Variants in PHKA1 observed in about 807,000 individuals in gnomAD.
The protein encoded by PHKA1 is phosphorylase kinase regulatory subunit alpha 1, also known as phosphorylase b kinase regulatory subunit alpha, skeletal muscle isoform.
Under a neutral mutation model 110.2 loss-of-function variants are expected in PHKA1, and 60 were observed. The ratio of observed to expected loss-of-function variants is 0.54; its 90% CI spans 0.44 to 0.68. PHKA1 has a LOEUF of 0.68. Among genes scored for constraint, PHKA1 ranks in the 30% least tolerant of loss-of-function variants. The pLI is 0.00. For missense variants in PHKA1, 801 were observed against 942.5 expected (o/e 0.85, Z 1.97); for synonymous variants, 316 against 333.6 (o/e 0.95, Z 0.58).
At position 72,659,158 on chromosome X, in the gene PHKA1, T is replaced by C. The variant is rs782203727; in HGVS notation, c.865-1517A>G. On this transcript the variant is annotated intron_variant, in intron 8 of 31. Coordinates refer to ENST00000373542, the MANE Select transcript of PHKA1 (RefSeq NM_002637.4). ...ATTTATTTATATCAGTATGGACTTA[T>C]GGACATTTCATTTATTCTCTGGGTT... is the stretch of plus-strand genomic sequence containing the variant. Among the ~76,000 whole-genome samples, 9 of 111,999 alleles carry C rather than the reference T, an allele frequency of 8.0e-5. No individual in the cohort carries two copies. The Admixed American group carries it at 8.5e-4, about 11-fold the overall frequency.
intron 4 of PHKA1, among the ~76,000 whole-genome samples, chrX:72,687,777 G>A (rs1043132408): frequency 9.1e-6 from 1 of 109,989 alleles, no homozygotes; most frequent in African/African-American, 3.3e-5. Flanking sequence ...AAGTATTTTT[G>A]CTAGTTTGTT....
intron 4 of PHKA1, among the ~76,000 whole-genome samples, chrX:72,691,798 G>A (rs1235257343): frequency 1.8e-5 from 2 of 111,895 alleles, no homozygotes; most frequent in Non-Finnish European, 3.8e-5. Context: ...ATGTAAGAAC[G>A]TATCATCTGC....
intron 28 of PHKA1, among the ~76,000 whole-genome samples, chrX:72,600,895 C>T (rs1556241816): frequency 9.0e-6 from 1 of 111,522 alleles, no homozygotes; most frequent in African/African-American, 3.3e-5. Context: ...TCCAAATTTC[C>T]ATTTCACCAC....
At chrX:72,695,442 TATATTC>T (rs2054095671) in intron 4 of PHKA1, among the ~76,000 whole-genome samples, 1 of 111,637 alleles carries the variant, frequency 9.0e-6, no homozygotes, top group Admixed American at 9.5e-5. Context: ...TTGTTTATAA[TATATTC>T]ATAAAGAGTA....
At position 72,712,883 on chromosome X, in the gene PHKA1, G is replaced by A. The variant is rs782809154; in HGVS notation, c.133C>T (p.Arg45Ter). Residue 45 changes from arginine (R) to a stop codon, truncating the protein, a stop_gained, in exon 2 of 32, where the codon CGA becomes TGA. Transcript: ENST00000373542. LOFTEE classifies it high-confidence loss of function. ...GCCAAGATGCTGTACACATTATCTC[G>A]GACCCAAGCATCTTTCTGATCATAG... ...ASYDQKDAWV[R>*]DNVYSILAVW... 4 of 1,210,873 alleles carry A rather than the reference G, an allele frequency of 3.3e-6. No individual in the cohort carries two copies. The highest frequency in any genetic ancestry group is 4.5e-6 in the Non-Finnish European group (4 of 894,958).
At chrX:72,612,127 G>C (rs2052819574) in intron 21 of PHKA1, among the ~76,000 whole-genome samples, 1 of 112,174 alleles carries the variant, frequency 8.9e-6, no homozygotes, top group Non-Finnish European at 1.9e-5. Context: ...ATTTATACAG[G>C]ATATAATATC....
intron 18 of PHKA1, 81 bp from the exon 19 acceptor site, chrX:72,620,982 A>G: frequency 9.7e-7 from 1 of 1,029,787 alleles, no homozygotes; most frequent in Non-Finnish European, 1.3e-6. Flanking sequence ...AGCAAAGAGA[A>G]TGATTGGCTC....
chrX:72,706,081 A>AG (rs2054279615), intron 2 of PHKA1, among the ~76,000 whole-genome samples: 1 of 112,211 alleles, frequency 8.9e-6, no homozygotes, highest in Non-Finnish European at 1.9e-5. Flanking sequence ...TCTACTTGGA[A>AG]GCCACATGAT....
intron 28 of PHKA1, among the ~76,000 whole-genome samples, chrX:72,596,470 A>G (rs2052591216): frequency 1.8e-5 from 2 of 111,940 alleles, no homozygotes; most frequent in African/African-American, 6.5e-5. Flanking sequence ...TAATAAAAAA[A>G]TTAGTTGTAT....
At chrX:72,682,728 A>G (rs1201785456) in intron 5 of PHKA1, among the ~76,000 whole-genome samples, 14 of 87,154 alleles carry the variant, frequency 1.6e-4, no homozygotes, top group Admixed American at 1.5e-3. Flanking sequence ...TGAAGGCAGC[A>G]TGCTCGTTAA....
intron 4 of PHKA1, among the ~76,000 whole-genome samples, chrX:72,688,002 T>G (rs781794520): frequency 3.7e-5 from 4 of 109,008 alleles, no homozygotes; most frequent in Non-Finnish European, 7.6e-5. Flanking sequence ...AATTTTTTTG[T>G]ATGTTTAGTA....
chrX:72,653,294 A>G, intron 11 of PHKA1, 141 bp downstream of exon 11: 1 of 483,193 alleles, frequency 2.1e-6, no homozygotes, highest in South Asian at 3.1e-5. Context: ...ATAAAATCAT[A>G]CTTATGTTGT....
chrX:72,677,581 C>A (rs1418205778), intron 5 of PHKA1, among the ~76,000 whole-genome samples: 2 of 111,569 alleles, frequency 1.8e-5, no homozygotes, highest in Admixed American at 1.9e-4. Flanking sequence ...CTTTCTCTCC[C>A]ATTTATTTAT....
chrX:72,659,177 C>T (rs1442724779), intron 8 of PHKA1, among the ~76,000 whole-genome samples: 1 of 111,468 alleles, frequency 9.0e-6, no homozygotes, highest in Admixed American at 9.5e-5. Flanking sequence ...CATTTATTCT[C>T]TGGGTTATAA....
At chrX:72,622,959 G>C in intron 18 of PHKA1, 150 bp downstream of exon 18, 1 of 1,104,476 alleles carries the variant, frequency 9.1e-7, no homozygotes, top group East Asian at 3.3e-5. Context: ...GGTAAGTAGA[G>C]GGAGGAAAAG....
chrX:72,648,957 A>G (rs782333971), intron 13 of PHKA1, among the ~76,000 whole-genome samples: 9 of 111,651 alleles, frequency 8.1e-5, no homozygotes, highest in Non-Finnish European at 1.5e-4. Context: ...ACTGACGTCA[A>G]TGCTAAAATC....
At position 72,619,253 on chromosome X, in the gene PHKA1, G is replaced by A. The variant is rs1228510553; in HGVS notation, c.2190C>T (p.Phe730=). 8.5e-5 allele frequency: 102 copies of A among 1,195,563 alleles called. No individual in the cohort carries two copies. Among genetic ancestry groups the A allele is most frequent in the Non-Finnish European group, 1.1e-4 (100 of 882,345 alleles). The change falls in exon 20 of 32, where the codon TTC becomes TTT. Residue 730 remains phenylalanine (F), a synonymous_variant. Transcript: ENST00000373542. ...GGGGATGAGGTGAATCAAGTAAGTT[G>A]AATGAAGGCCGGGAAGCCTGAAATA... ...TKLFQASRPS[F]NLLDSPHPRQ... is the part of the protein sequence containing the mutation.
chrX:72,657,451 T>A, intron 9 of PHKA1, 137 bp downstream of exon 9: 2 of 485,007 alleles, frequency 4.1e-6, no homozygotes, highest in Admixed American at 6.9e-5. Context: ...TCAACAAATA[T>A]AGCAAACATC....
chrX:72,604,886 C>T (rs1556248423), intron 25 of PHKA1, among the ~76,000 whole-genome samples: 2 of 111,942 alleles, frequency 1.8e-5, no homozygotes, highest in Non-Finnish European at 3.8e-5. Flanking sequence ...AGACAGAATA[C>T]TGACACCATG....
Sources: gnomAD v4.1 joint callset for allele counts (sites outside exome capture counted in the v4.1 genomes callset) on GRCh38, gnomAD v4.1.1 for gene constraint, MANE v1.5 for transcripts, NCBI Gene and HGNC (gene_info 2026-07-23, HGNC 2026-07-21) for gene names.